The following SLC9A9 variants were observed in gnomAD, a reference collection of about 807,000 sequenced individuals.
SLC9A9 encodes sodium/hydrogen exchanger 9.
SLC9A9 carries 62 observed loss-of-function variants against 77.8 expected under a neutral mutation model. That is an observed-to-expected ratio of 0.80 (90% CI 0.65 to 0.98). The LOEUF is 0.98. Ranked by LOEUF, SLC9A9 falls within the 50% of genes least tolerant of loss-of-function variation. The probability of loss-of-function intolerance (pLI) is 0.00; values close to 1 mark genes in which losing one functional copy is unlikely to be tolerated. For synonymous variants in SLC9A9, 320 were observed against 283.5 expected, an observed-to-expected ratio of 1.13 and a Z score of -1.29; for missense variants, 775 against 774.9, an observed-to-expected ratio of 1.00 and a Z score of 0.00.
chr3:143,718,448 T>G (rs1403098625), intron 4 of SLC9A9, among the ~76,000 whole-genome samples: 1 of 152,200 alleles, frequency 6.6e-6, no homozygotes, highest in Admixed American at 6.5e-5. Flanking sequence ...ATTTCTGCCT[T>G]TGTTACAGAA....
At chr3:143,839,219 T>A (rs541433348) in intron 1 of SLC9A9, among the ~76,000 whole-genome samples, 1 of 152,286 alleles carries the variant, frequency 6.6e-6, no homozygotes, top group South Asian at 2.1e-4. Flanking sequence ...CACAATTTAT[T>A]GCTCCATACT....
At chr3:143,376,920 T>C (rs2033192165) in intron 13 of SLC9A9, among the ~76,000 whole-genome samples, 2 of 152,236 alleles carry the variant, frequency 1.3e-5, no homozygotes. Flanking sequence ...TTCTGAAATA[T>C]TCGTAGAAGT....
At chr3:143,794,596 C>A (rs1383275581) in intron 4 of SLC9A9, among the ~76,000 whole-genome samples, 2 of 152,088 alleles carry the variant, frequency 1.3e-5, no homozygotes, top group African/African-American at 4.8e-5. Context: ...GTAAACTTTC[C>A]TTTAGAAAGA....
At chr3:143,267,748 T>C (rs1937773656) in intron 15 of SLC9A9, among the ~76,000 whole-genome samples, 1 of 152,256 alleles carries the variant, frequency 6.6e-6, no homozygotes, top group East Asian at 1.9e-4. Context: ...CCATAGTGGA[T>C]AATGCCAGAA....
chr3:143,848,081 T>G, intron 1 of SLC9A9, 67 bp downstream of exon 1: 1 of 1,450,182 alleles, frequency 6.9e-7, no homozygotes. Context: ...CTTTGCTATC[T>G]GAGCACAAGT....
chr3:143,541,802 A>T (rs1263401870), intron 9 of SLC9A9, among the ~76,000 whole-genome samples: 1 of 152,234 alleles, frequency 6.6e-6, no homozygotes, highest in Non-Finnish European at 1.5e-5. Flanking sequence ...TTCCAACTGC[A>T]ATTATATGCT....
intron 12 of SLC9A9, among the ~76,000 whole-genome samples, chr3:143,447,087 T>C (rs7610768): frequency 0.04 from 6,068 of 152,294 alleles, 421 homozygotes; most frequent in African/African-American, 0.14. Context: ...CCTCTAAGCC[T>C]CATCTATTGC....
chr3:143,516,059 T>C (rs980021977), intron 9 of SLC9A9, among the ~76,000 whole-genome samples: 1 of 152,218 alleles, frequency 6.6e-6, no homozygotes, highest in African/African-American at 2.4e-5. Flanking sequence ...TCTTGAAAGA[T>C]TGCAGGGCTA....
At chr3:143,643,160 G>A (rs1160330141) in intron 6 of SLC9A9, among the ~76,000 whole-genome samples, 1 of 152,090 alleles carries the variant, frequency 6.6e-6, no homozygotes, top group Non-Finnish European at 1.5e-5. Context: ...ATGTACCTGG[G>A]ATGTGAAAGT....
intron 6 of SLC9A9, among the ~76,000 whole-genome samples, chr3:143,642,313 T>A (rs555314100): frequency 6.6e-6 from 1 of 152,186 alleles, no homozygotes; most frequent in Non-Finnish European, 1.5e-5. Context: ...CTTTTAAAAT[T>A]TCTTCTTTCT....
At chr3:143,501,880 C>CA (rs1423482346) in intron 9 of SLC9A9, among the ~76,000 whole-genome samples, 1 of 150,770 alleles carries the variant, frequency 6.6e-6, no homozygotes, top group African/African-American at 2.5e-5. Context: ...AGAATCTATA[C>CA]AGCAAGGCCA....
chr3:143,391,621 G>A (rs1217934895), intron 12 of SLC9A9, among the ~76,000 whole-genome samples: 3 of 152,232 alleles, frequency 2.0e-5, no homozygotes, highest in Admixed American at 6.5e-5. Context: ...GACGAGTTGA[G>A]AGAAGAAGGC....
chr3:143,780,511 G>C (rs1287778019), intron 4 of SLC9A9, among the ~76,000 whole-genome samples: 1 of 152,178 alleles, frequency 6.6e-6, no homozygotes, highest in Non-Finnish European at 1.5e-5. Context: ...TTATAATGTA[G>C]TTTGGACACC....
intron 14 of SLC9A9, among the ~76,000 whole-genome samples, chr3:143,280,737 G>C (rs979044030): frequency 1.1e-4 from 17 of 151,876 alleles, no homozygotes; most frequent in African/African-American, 4.1e-4. Flanking sequence ...TTTTTTAGTA[G>C]AGACAGGGTT....
At chr3:143,365,594 C>T (rs1021681972) in intron 13 of SLC9A9, among the ~76,000 whole-genome samples, 1 of 152,172 alleles carries the variant, frequency 6.6e-6, no homozygotes, top group South Asian at 2.1e-4. Context: ...TAGAGTTCCA[C>T]AGGTCTCTGT....
chr3:143,789,691 T>G (rs1032359948), intron 4 of SLC9A9, among the ~76,000 whole-genome samples: 1 of 151,960 alleles, frequency 6.6e-6, no homozygotes, highest in Non-Finnish European at 1.5e-5. Flanking sequence ...CAAGGGCACT[T>G]AGGTCTCAAG....
chr3:143,568,569 G>A (rs757222544), intron 8 of SLC9A9, among the ~76,000 whole-genome samples: 1 of 152,198 alleles, frequency 6.6e-6, no homozygotes, highest in Non-Finnish European at 1.5e-5. Flanking sequence ...GCTGTGAAAT[G>A]TTTGGACCAG....
intron 4 of SLC9A9, among the ~76,000 whole-genome samples, chr3:143,724,975 A>G (rs1447144289): frequency 2.6e-5 from 4 of 152,120 alleles, no homozygotes; most frequent in Non-Finnish European, 5.9e-5. Context: ...TACACAAGAG[A>G]CTAGGCTTCA....
intron 14 of SLC9A9, among the ~76,000 whole-genome samples, chr3:143,322,472 A>T (rs2031451712): frequency 6.6e-6 from 1 of 152,116 alleles, no homozygotes; most frequent in Admixed American, 6.5e-5. Flanking sequence ...CAGCTTACCA[A>T]GTGTGGATCT....
Sources: gnomAD v4.1 joint callset for allele counts (sites outside exome capture counted in the v4.1 genomes callset) on GRCh38, gnomAD v4.1.1 for gene constraint, MANE v1.5 for transcripts, NCBI Gene and HGNC (gene_info 2026-07-23, HGNC 2026-07-21) for gene names.